Variants in PLEKHG6 observed in about 807,000 individuals in gnomAD.
PLEKHG6 encodes pleckstrin homology and RhoGEF domain containing G6.
Under a neutral mutation model 97.5 loss-of-function variants are expected in PLEKHG6, and 91 were observed. The ratio of observed to expected loss-of-function variants is 0.93; its 90% CI spans 0.79 to 1.11. PLEKHG6 has a LOEUF of 1.11. PLEKHG6 is among the 50% of genes most tolerant of loss of function. PLEKHG6 has a pLI of 0.00. For missense variants in PLEKHG6, 1,044 were observed against 1,031.0 expected (o/e 1.01, Z -0.17); for synonymous variants, 466 against 425.5 (o/e 1.10, Z -1.17).
chr12:6,313,874 C>A, intron 3 of PLEKHG6, 90 bp downstream of exon 3: 1 of 1,269,288 alleles, frequency 7.9e-7, no homozygotes, highest in Non-Finnish European at 1.1e-6. Flanking sequence ...GAGCTGAGAA[C>A]ACAGGTCCAG....
rs372421027 is a variant in PLEKHG6, at chr12:6,314,862, C to T, written c.295-143C>T. The T allele has an allele frequency of 5.3e-5, 39 of 737,232 alleles. 1 individual carries two copies. The African/African-American group carries it at 6.5e-4, about 12-fold the overall frequency. 45.7% of individuals were successfully genotyped at this position (737,232 alleles called of 1,614,324 possible). ...AGGCCTCCATGTCCCCACTCATACT[C>T]AGTGCTGCTTGCCATCTCCCATTCC... On this transcript the variant is annotated intron_variant, in intron 3 of 15. Coordinates refer to ENST00000684764, the MANE Select transcript of PLEKHG6 (RefSeq NM_001384598.1).
chr12:6,315,098 G>A lies in PLEKHG6; in HGVS notation c.388G>A (p.Glu130Lys). The A allele has an allele frequency of 6.2e-7, 1 of 1,613,394 alleles. No homozygotes were observed. Among genetic ancestry groups the A allele is most frequent in the Non-Finnish European group, 8.5e-7 (1 of 1,180,022 alleles). ...GCCCCCTGAGGACCGGCGGCACTGGGAGATAGGAGAGGGTGGCGACAGTGG... is the reference window on the plus strand; with the variant it reads ...GCCCCCTGAGGACCGGCGGCACTGGAAGATAGGAGAGGGTGGCGACAGTGG... ...RLPPEDRRHW[E>K]IGEGGDSGLT... The change falls in exon 4 of 16, where the codon GAG becomes AAG. Residue 130 changes from glutamate (E) to lysine (K), a missense_variant. By Grantham distance (56) the Glu-to-Lys change is moderately conservative. Transcript: ENST00000684764. This position sits in a 1 kb window ranked among gnomAD's most constrained non-coding sequence, Gnocchi z 4.5.
At chr12:6,324,495 A>T (rs112859759) in intron 13 of PLEKHG6, among the ~76,000 whole-genome samples, 81 of 152,194 alleles carry the variant, frequency 5.3e-4, no homozygotes, top group African/African-American at 2.0e-3. Flanking sequence ...GGACAAGCAG[A>T]TCGGCCCAGC....
At chr12:6,312,585 G>A in intron 2 of PLEKHG6, 1 of 1,282,684 alleles carries the variant, frequency 7.8e-7, no homozygotes. Context: ...GGCGGAGCCA[G>A]GAGAAGCCAG....
intron 13 of PLEKHG6, chr12:6,319,453 G>T: frequency 8.1e-7 from 1 of 1,229,226 alleles, no homozygotes; most frequent in South Asian, 1.7e-5. Flanking sequence ...GAAGAAGAAG[G>T]AAAAAAAAAA....
rs371048382 is a variant in PLEKHG6, at chr12:6,327,891, C to T, written c.2308C>T (p.Leu770=). Reference sequence around the variant, plus strand: ...GCCACGGAAGCTGACTCGGGCCCAGCTGCAGAGGATGCGGGGGCCCCACAT... The same window carrying T: ...GCCACGGAAGCTGACTCGGGCCCAGTTGCAGAGGATGCGGGGGCCCCACAT... The part of the protein sequence containing the change: ...SRPRKLTRAQ[L]QRMRGPHIIQ... The change falls in exon 15 of 16, where the codon CTG becomes TTG. Residue 770 remains leucine (L), a synonymous_variant. Coordinates refer to ENST00000684764, the MANE Select transcript of PLEKHG6 (RefSeq NM_001384598.1). 1.3e-4 allele frequency: 194 copies of T among 1,491,618 alleles called. 1 individual carries two copies. The African/African-American group carries it at 2.6e-3, about 20-fold the overall frequency. The allele number at this position is 1,491,618 out of a possible 1,614,324, so 92.4% of individuals were successfully genotyped here.
intron 2 of PLEKHG6, chr12:6,312,850 C>T: frequency 1.5e-6 from 2 of 1,295,242 alleles, no homozygotes; most frequent in Middle Eastern, 6.1e-4. Flanking sequence ...GGCTCTCCTC[C>T]AGTCCTAACC....
Position 6,318,862 on chromosome 12 carries a change from C to A in PLEKHG6, c.1393C>A (p.Pro465Thr). 2.5e-6 allele frequency: 4 copies of A among 1,614,230 alleles called. No individual in the cohort carries two copies. The highest frequency in any genetic ancestry group is 3.4e-6 in the Non-Finnish European group (4 of 1,180,044). ...CATGCTGGAGAAGCTCGTGTGCCAA[C>A]CCCTGCGAGACCCCAGTACGTCCTT... ...PLMLEKLVCQ[P>T]LRDPNSFLLI... Residue 465 changes from proline (P) to threonine (T), a missense_variant, in exon 12 of 16, where the codon CCC (proline) becomes ACC (threonine). Pro to Thr is a conservative substitution (Grantham distance 38). Coordinates refer to ENST00000684764, the MANE Select transcript of PLEKHG6 (RefSeq NM_001384598.1).
chr12:6,315,106 A>C lies in PLEKHG6; in HGVS notation c.396A>C (p.Gly132=). The part of the protein sequence containing the change: ...PPEDRRHWEI[G]EGGDSGLTIE... ...AGGACCGGCGGCACTGGGAGATAGG[A>C]GAGGGTGGCGACAGTGGCCTGACCA... Residue 132 remains glycine (G), a synonymous_variant, in exon 4 of 16, where the codon GGA becomes GGC. Transcript: ENST00000684764. The surrounding 1 kb of genome is among the most constrained non-coding windows in gnomAD (Gnocchi z 4.5). 1 of 1,613,110 alleles carries C rather than the reference A, an allele frequency of 6.2e-7. No individual in the cohort carries two copies. Among genetic ancestry groups the C allele is most frequent in the Non-Finnish European group, 8.5e-7 (1 of 1,179,992 alleles).
At chr12:6,312,008 A>C (rs2250430) in intron 1 of PLEKHG6, among the ~76,000 whole-genome samples, 151 bp from the exon 2 acceptor site, 1 of 151,860 alleles carries the variant, frequency 6.6e-6, no homozygotes. Context: ...TAGATGAGGC[A>C]GCCATGTTCC....
intron 13 of PLEKHG6, among the ~76,000 whole-genome samples, chr12:6,322,609 T>C (rs950807746): frequency 6.6e-6 from 1 of 152,202 alleles, no homozygotes; most frequent in Non-Finnish European, 1.5e-5. Flanking sequence ...CCAGGCGTAG[T>C]GGCTCACCTC....
chr12:6,325,812 G>A (rs1947839742), intron 13 of PLEKHG6, among the ~76,000 whole-genome samples: 1 of 152,168 alleles, frequency 6.6e-6, no homozygotes, highest in Non-Finnish European at 1.5e-5. Context: ...GACCTGTACA[G>A]GTAGGAAAAG....
intron 3 of PLEKHG6, 27 bp from the exon 4 acceptor site, chr12:6,314,978 A>T (rs1395193422): frequency 6.2e-7 from 1 of 1,608,268 alleles, no homozygotes; most frequent in South Asian, 1.1e-5. Flanking sequence ...ATGTGACCAG[A>T]GCTGATGCCC....
At chr12:6,314,854 C>A in intron 3 of PLEKHG6, 151 bp from the exon 4 acceptor site, 1 of 704,762 alleles carries the variant, frequency 1.4e-6, no homozygotes, top group Admixed American at 2.6e-5. Flanking sequence ...CATGTCCCCA[C>A]TCATACTCAG....
chr12:6,312,190 A>C lies in PLEKHG6; in HGVS notation c.-37A>C. ...GGGACCTCTTTCTCCTGGACATTGA[A>C]GATATGGCCCTTTGGAGGTGACCCA... On this transcript the variant is annotated 5_prime_UTR_variant, in exon 2 of 16. Transcript: ENST00000684764. 2 of 1,445,398 alleles carry C rather than the reference A, an allele frequency of 1.4e-6. No individual in the cohort carries two copies. Among genetic ancestry groups the C allele is most frequent in the Non-Finnish European group, 9.1e-7 (1 of 1,100,702 alleles). The allele number at this position is 1,445,398 out of a possible 1,614,324, so 89.5% of individuals were successfully genotyped here.
chr12:6,321,577 G>A (rs543115045), intron 13 of PLEKHG6, among the ~76,000 whole-genome samples: 6 of 151,180 alleles, frequency 4.0e-5, no homozygotes, highest in South Asian at 2.1e-4. Flanking sequence ...GGTGGCTCAC[G>A]CCTGTAATCC....
In PLEKHG6 at chr12:6,315,729, TG is replaced by T; in HGVS notation, c.555+85del. ...CCTCCCAGACTGGAAGGCAGGTCACTGGGGGAGGGAGGGGCAGGATTTCAGG... is the reference window on the plus strand; with the variant it reads ...CCTCCCAGACTGGAAGGCAGGTCACTGGGGAGGGAGGGGCAGGATTTCAGG... On this transcript the variant is annotated intron_variant, in intron 5 of 15. Transcript: ENST00000684764. The surrounding 1 kb of genome is among the most constrained non-coding windows in gnomAD (Gnocchi z 4.5). The T allele has an allele frequency of 1.6e-6, 2 of 1,227,688 alleles. No homozygotes were observed. Among genetic ancestry groups the T allele is most frequent in the Non-Finnish European group, 2.3e-6 (2 of 868,554 alleles). 76.0% of individuals were successfully genotyped at this position (1,227,688 alleles called of 1,614,324 possible).
At position 6,315,266 on chromosome 12, in the gene PLEKHG6, A is replaced by C. The variant is rs1947416043; in HGVS notation, c.459+97A>C. The C allele has an allele frequency of 8.1e-7, 1 of 1,241,320 alleles. No individual in the cohort carries two copies. Among genetic ancestry groups the C allele is most frequent in the Non-Finnish European group, 1.1e-6 (1 of 906,498 alleles). 76.9% of individuals were successfully genotyped at this position (1,241,320 alleles called of 1,614,324 possible). A position where few individuals can be genotyped will look rare whatever the true frequency, so the allele number is the denominator to read the frequency against. On this transcript the variant is annotated intron_variant, in intron 4 of 15. Transcript: ENST00000684764. The surrounding 1 kb of genome is among the most constrained non-coding windows in gnomAD (Gnocchi z 4.5). ...GGGAAAGGCCTTGGGAAGTGGGGTC[A>C]TGTGGAAAAAACATCTGGAAACGCG... is the stretch of plus-strand genomic sequence containing the variant.
Position 6,327,659 on chromosome 12 carries a change from C to T in PLEKHG6, c.2076C>T (p.Gly692=), listed in dbSNP as rs1422586394. 1.9e-6 allele frequency: 3 copies of T among 1,558,738 alleles called. No individual in the cohort carries two copies. The highest frequency in any genetic ancestry group is 2.6e-6 in the Non-Finnish European group (3 of 1,147,372). ...CACTCCACAGGGCCCGGCTTCGGGG[C>T]CAGCTTCCCTCCTCCCCAACCCATG... ...VETLHRARLR[G]QLPSSPTHAD... is the part of the protein sequence containing the mutation. The change falls in exon 15 of 16, where the codon GGC becomes GGT. Residue 692 remains glycine, a synonymous_variant. Coordinates refer to ENST00000684764, the MANE Select transcript of PLEKHG6 (RefSeq NM_001384598.1).
Sources: allele counts gnomAD v4.1 joint callset (sites outside exome capture counted in the v4.1 genomes callset), GRCh38; gene constraint gnomAD v4.1.1; non-coding constraint Gnocchi (gnomAD v3.1); transcripts MANE v1.5; gene names NCBI Gene and HGNC (gene_info 2026-07-23, HGNC 2026-07-21).